Variants in RAB27A observed in about 807,000 individuals in gnomAD.
RAB27A encodes the protein ras-related protein Rab-27A.
In RAB27A, 17 loss-of-function variants were observed where a neutral mutation model predicts 20.8. The ratio of observed to expected loss-of-function variants is 0.82; its 90% CI spans 0.56 to 1.23. The LOEUF is 1.23. Ranked by LOEUF, RAB27A falls within the 50% of genes most tolerant of loss-of-function variation. The pLI is 0.00. For synonymous variants in RAB27A, 85 were observed against 92.8 expected (o/e 0.92, Z 0.48); for missense variants, 277 against 266.7 (o/e 1.04, Z -0.27).
chr15:55,237,181 A>C (rs1896294801), intron 2 of RAB27A: 1 of 152,206 alleles, frequency 6.6e-6, no homozygotes, highest in Non-Finnish European at 1.5e-5. Flanking sequence ...CCATATCCAG[A>C]AACTTGGCTG....
At chr15:55,255,581 T>G (rs1164141253) in intron 2 of RAB27A, among the ~76,000 whole-genome samples, 2 of 152,218 alleles carry the variant, frequency 1.3e-5, no homozygotes, top group South Asian at 2.1e-4. Context: ...GCCAATTTTA[T>G]TTAGAAGTGA....
chr15:55,313,541 T>C (rs570601292), intron 2 of RAB27A, among the ~76,000 whole-genome samples: 1 of 152,204 alleles, frequency 6.6e-6, no homozygotes, highest in Admixed American at 6.5e-5. Context: ...AAGGAACATA[T>C]AGTACTTTTG....
At chr15:55,233,716 A>T (rs1376281577) in intron 3 of RAB27A, among the ~76,000 whole-genome samples, 1 of 152,332 alleles carries the variant, frequency 6.6e-6, no homozygotes, top group East Asian at 1.9e-4. Flanking sequence ...AAACTATTCT[A>T]AAATTGAATG....
chr15:55,212,674 CGGCT>C (rs1311102686), intron 6 of RAB27A, among the ~76,000 whole-genome samples: 1 of 151,912 alleles, frequency 6.6e-6, no homozygotes, highest in African/African-American at 2.4e-5. Flanking sequence ...GGATTACAGG[CGGCT>C]GCCACCACGC....
chr15:55,222,025 C>A (rs1895594242), intron 6 of RAB27A, among the ~76,000 whole-genome samples: 1 of 152,190 alleles, frequency 6.6e-6, no homozygotes, highest in Admixed American at 6.5e-5. Flanking sequence ...AAAGACAACA[C>A]CTTACAGAGA....
At chr15:55,304,293 C>T (rs1007520710) in intron 2 of RAB27A, among the ~76,000 whole-genome samples, 2 of 151,072 alleles carry the variant, frequency 1.3e-5, no homozygotes, top group African/African-American at 4.9e-5. Flanking sequence ...TCACCACTCC[C>T]TAATCTCAAG....
chr15:55,280,657 C>CA (rs1403778726), intron 1 of RAB27A, among the ~76,000 whole-genome samples: 1 of 151,910 alleles, frequency 6.6e-6, no homozygotes, highest in East Asian at 1.9e-4. Context: ...ATCCCTCCCC[C>CA]AGTCCCCACC....
At chr15:55,314,190 T>C (rs565412140) in intron 1 of RAB27A, 1 of 150,028 alleles carries the variant, frequency 6.7e-6, no homozygotes, top group Non-Finnish European at 1.5e-5. Flanking sequence ...AAATTACCTA[T>C]GCTGGTCTCC....
In RAB27A at chr15:55,208,126, T is replaced by G. The variant is rs374997146; in HGVS notation, c.468-2421A>C. Among the ~76,000 whole-genome samples the G allele has an allele frequency of 1.7e-4, 26 of 152,278 alleles. No individual in the cohort carries two copies. The East Asian group carries it at 5.0e-3, about 29-fold the overall frequency. ...GGGAAAAAATTTACCTAAACGTCCATCAATAAGCGCATGAATAGTGATATT... is the reference window on the plus strand; with the variant it reads ...GGGAAAAAATTTACCTAAACGTCCAGCAATAAGCGCATGAATAGTGATATT... On this transcript the variant is annotated intron_variant, in intron 6 of 6. Coordinates refer to ENST00000336787, the MANE Select transcript of RAB27A (RefSeq NM_183235.3).
intron 6 of RAB27A, 76 bp from the exon 7 acceptor site, chr15:55,205,781 T>A: frequency 7.8e-7 from 1 of 1,281,526 alleles, no homozygotes; most frequent in Non-Finnish European, 1.1e-6. Context: ...TAATTCAAAT[T>A]AGAGAATCGA....
At chr15:55,277,785 T>C (rs1897914152) in intron 1 of RAB27A, among the ~76,000 whole-genome samples, 1 of 152,226 alleles carries the variant, frequency 6.6e-6, no homozygotes, top group African/African-American at 2.4e-5. Flanking sequence ...TTGGCCTTAC[T>C]ATCAACTATG....
chr15:55,310,455 G>C (rs1351447349), intron 2 of RAB27A, among the ~76,000 whole-genome samples: 2 of 152,172 alleles, frequency 1.3e-5, no homozygotes, highest in Non-Finnish European at 2.9e-5. Flanking sequence ...CTGGGGCAGT[G>C]GGCCTTCCAG....
intron 6 of RAB27A, among the ~76,000 whole-genome samples, chr15:55,223,508 CAA>C (rs113911906): frequency 1.5e-5 from 2 of 133,458 alleles, no homozygotes; most frequent in Admixed American, 7.5e-5. Context: ...GACTCTGTCT[CAA>C]AAAAAAAAAA....
rs1340305706 is a variant in RAB27A at position 55,228,598 on chromosome 15, A to G, written c.343+11T>C. ...CTGTGTAGCAGGACACTGGGGAACA[A>G]TAACACTTACTTATCCAGTTTCTGA... On this transcript the variant is annotated intron_variant, in intron 5 of 6. Coordinates refer to ENST00000336787, the MANE Select transcript of RAB27A (RefSeq NM_183235.3). 11 of 1,568,156 alleles carry G rather than the reference A, an allele frequency of 7.0e-6. No individual in the cohort carries two copies. The highest frequency in any genetic ancestry group is 1.7e-5 in the Admixed American group (1 of 59,944).
chr15:55,263,349 C>A (rs1444866060), intron 2 of RAB27A, among the ~76,000 whole-genome samples: 1 of 151,292 alleles, frequency 6.6e-6, no homozygotes, highest in Non-Finnish European at 1.5e-5. Flanking sequence ...TGCCATATTA[C>A]ATTTATATAA....
chr15:55,268,801 T>C (rs1897602433), intron 2 of RAB27A, among the ~76,000 whole-genome samples: 2 of 152,200 alleles, frequency 1.3e-5, no homozygotes, highest in African/African-American at 4.8e-5. Context: ...ATGTCGGTTA[T>C]GGATTGAATT....
intron 6 of RAB27A, among the ~76,000 whole-genome samples, chr15:55,219,587 T>G (rs1220527896): frequency 1.3e-5 from 2 of 152,220 alleles, no homozygotes; most frequent in African/African-American, 4.8e-5. Context: ...TTCAGGTGAT[T>G]GATTCTGATG....
At chr15:55,225,594 G>A (rs1895764982) in intron 5 of RAB27A, among the ~76,000 whole-genome samples, 1 of 152,106 alleles carries the variant, frequency 6.6e-6, no homozygotes, top group South Asian at 2.1e-4. Context: ...TCACATTTGA[G>A]AACTACTAAG....
intron 2 of RAB27A, among the ~76,000 whole-genome samples, chr15:55,253,965 G>A (rs985428120): frequency 6.6e-6 from 1 of 152,140 alleles, no homozygotes; most frequent in Non-Finnish European, 1.5e-5. Flanking sequence ...ATGTTTGAGT[G>A]TTCAGGGGAA....
Sources: allele counts gnomAD v4.1 joint callset (sites outside exome capture counted in the v4.1 genomes callset), GRCh38; gene constraint gnomAD v4.1.1; transcripts MANE v1.5; gene names NCBI Gene and HGNC (gene_info 2026-07-23, HGNC 2026-07-21).